Variants in SNRNP40 observed in about 807,000 individuals in gnomAD.
SNRNP40 encodes U5 small nuclear ribonucleoprotein 40 kDa protein.
Under a neutral mutation model 45.8 loss-of-function variants are expected in SNRNP40, and 21 were observed. That is an observed-to-expected ratio of 0.46 (90% CI 0.32 to 0.66). The LOEUF is 0.66. Ranked by LOEUF, SNRNP40 falls within the 30% of genes least tolerant of loss-of-function variation. The pLI is 0.03. For synonymous variants in SNRNP40, 142 were observed against 163.8 expected (o/e 0.87, Z 1.01); for missense variants, 344 against 439.1 (o/e 0.78, Z 1.94).
At chr1:31,274,377 C>T (rs532733649) in intron 5 of SNRNP40, among the ~76,000 whole-genome samples, 2 of 152,032 alleles carry the variant, frequency 1.3e-5, no homozygotes, top group Non-Finnish European at 2.9e-5. Context: ...GCTGGGACTA[C>T]AGGCGCGCAC....
intron 8 of SNRNP40, among the ~76,000 whole-genome samples, chr1:31,266,178 T>C (rs1312154511): frequency 3.3e-5 from 5 of 152,184 alleles, no homozygotes. Context: ...GAATTATTCA[T>C]TAATAGAAAG....
intron 7 of SNRNP40, 140 bp from the exon 8 acceptor site, chr1:31,268,072 T>C (rs754140204): frequency 5.2e-4 from 303 of 578,264 alleles, no homozygotes; most frequent in Non-Finnish European, 8.5e-4. Flanking sequence ...TTATCTTATA[T>C]TCTATGGCCC....
intron 4 of SNRNP40, among the ~76,000 whole-genome samples, chr1:31,283,567 C>A (rs1233467983): frequency 6.6e-6 from 1 of 152,196 alleles, no homozygotes; most frequent in Admixed American, 6.5e-5. Flanking sequence ...CGCACTACTG[C>A]ACTCCAGCCT....
In SNRNP40 at chr1:31,271,319, C is replaced by G. The variant is rs1229780444; in HGVS notation, c.775+60G>C. The G allele has an allele frequency of 3.9e-6, 6 of 1,545,078 alleles. No homozygotes were observed. In the African/African-American group the frequency reaches 4.1e-5, roughly 11 times the overall value. ...ACACATTCTAATCGTCTGATGGAAT[C>G]TGTGAGCAATCTTTGACTTTTTCCT... is the stretch of plus-strand genomic sequence containing the variant. On this transcript the variant is annotated intron_variant, in intron 6 of 9. Transcript: ENST00000263694.
At chr1:31,293,784 G>A (rs1013662867) in intron 1 of SNRNP40, among the ~76,000 whole-genome samples, 2 of 151,966 alleles carry the variant, frequency 1.3e-5, no homozygotes, top group South Asian at 2.1e-4. Flanking sequence ...GTCTTGCTAC[G>A]TTGCCTAGGC....
At chr1:31,289,132 T>C in intron 4 of SNRNP40, 122 bp downstream of exon 4, 2 of 775,142 alleles carry the variant, frequency 2.6e-6, no homozygotes, top group Non-Finnish European at 4.2e-6. Context: ...ATTTCAAGTG[T>C]GTTATGGGAG....
intron 4 of SNRNP40, among the ~76,000 whole-genome samples, chr1:31,283,716 T>C (rs961810466): frequency 2.6e-5 from 4 of 152,198 alleles, no homozygotes; most frequent in African/African-American, 4.8e-5. Flanking sequence ...CACGCTATAA[T>C]ATTTAAATGC....
At chr1:31,270,365 G>A (rs932708019) in intron 6 of SNRNP40, among the ~76,000 whole-genome samples, 1 of 152,090 alleles carries the variant, frequency 6.6e-6, no homozygotes, top group Non-Finnish European at 1.5e-5. Context: ...TGGTACTTGG[G>A]AGGCTTGCCT....
At chr1:31,283,852 G>T (rs1389563434) in intron 4 of SNRNP40, among the ~76,000 whole-genome samples, 1 of 152,174 alleles carries the variant, frequency 6.6e-6, no homozygotes, top group Non-Finnish European at 1.5e-5. Context: ...AAGAATGAAG[G>T]TAAGCCCCTG....
chr1:31,284,893 C>T (rs188813153), intron 4 of SNRNP40, among the ~76,000 whole-genome samples: 1 of 152,288 alleles, frequency 6.6e-6, no homozygotes, highest in Admixed American at 6.5e-5. Flanking sequence ...ACATGCCCAA[C>T]ATCTCCTACT....
Position 31,269,200 on chromosome 1 carries a change from T to C in SNRNP40, c.816A>G (p.Arg272=), listed in dbSNP as rs1645920344. The C allele has an allele frequency of 6.2e-7, 1 of 1,612,400 alleles. No homozygotes were observed. The highest frequency in any genetic ancestry group is 1.1e-5 in the South Asian group (1 of 90,810). Reference sequence around the variant, plus strand: ...CATTTCCTTGAAATATCTTTACACATCTCTCTTTGGGGGCAAATGGCCGGA... The same window carrying C: ...CATTTCCTTGAAATATCTTTACACACCTCTCTTTGGGGGCAAATGGCCGGA... ...WDVRPFAPKE[R]CVKIFQGNVH... is the part of the protein sequence containing the mutation. Residue 272 remains arginine (R), a synonymous_variant, in exon 7 of 10, where the codon AGA becomes AGG. Coordinates refer to ENST00000263694, the MANE Select transcript of SNRNP40 (RefSeq NM_004814.3).
At chr1:31,290,162 G>A (rs1646093400) in intron 3 of SNRNP40, among the ~76,000 whole-genome samples, 1 of 152,084 alleles carries the variant, frequency 6.6e-6, no homozygotes, top group African/African-American at 2.4e-5. Context: ...CCCAGCCTCT[G>A]AGGATGATTT....
intron 5 of SNRNP40, among the ~76,000 whole-genome samples, chr1:31,278,652 A>G (rs1645992493): frequency 6.6e-6 from 1 of 152,228 alleles, no homozygotes; most frequent in Non-Finnish European, 1.5e-5. Flanking sequence ...AAGTATTTAT[A>G]TGATGGAAAA....
intron 5 of SNRNP40, 138 bp from the exon 6 acceptor site, chr1:31,271,637 A>G (rs1288565904): frequency 2.4e-6 from 2 of 839,402 alleles, no homozygotes; most frequent in Non-Finnish European, 3.5e-6. Context: ...TCAAAGAGAA[A>G]AACACCTTTT....
chr1:31,277,707 T>C (rs1046500975), intron 5 of SNRNP40, among the ~76,000 whole-genome samples: 1 of 152,228 alleles, frequency 6.6e-6, no homozygotes, highest in African/African-American at 2.4e-5. Flanking sequence ...TTTTTTTTAA[T>C]GCTTTGAGAC....
chr1:31,285,049 T>C (rs551694098), intron 4 of SNRNP40, among the ~76,000 whole-genome samples: 29 of 152,332 alleles, frequency 1.9e-4, no homozygotes, highest in Admixed American at 5.9e-4. Context: ...TCTATCTTTG[T>C]CTTTCTCCTA....
chr1:31,271,956 G>GTAGC (rs1001776403), intron 5 of SNRNP40, among the ~76,000 whole-genome samples: 2 of 152,122 alleles, frequency 1.3e-5, no homozygotes, highest in Admixed American at 1.3e-4. Context: ...TTCTAAAAAG[G>GTAGC]TAGCTCAGGC....
chr1:31,267,687 C>T (rs893967545), intron 8 of SNRNP40, among the ~76,000 whole-genome samples, 184 bp downstream of exon 8: 2 of 152,130 alleles, frequency 1.3e-5, no homozygotes, highest in East Asian at 1.9e-4. Flanking sequence ...AGGCATGTGC[C>T]GCCACGCCCG....
intron 5 of SNRNP40, among the ~76,000 whole-genome samples, chr1:31,277,432 A>C (rs1645983520): frequency 6.6e-6 from 1 of 152,234 alleles, no homozygotes; most frequent in African/African-American, 2.4e-5. Flanking sequence ...ATTGTTAATA[A>C]TGTTATTCCC....
Sources: allele counts gnomAD v4.1 joint callset (sites outside exome capture counted in the v4.1 genomes callset), GRCh38; gene constraint gnomAD v4.1.1; transcripts MANE v1.5; gene names NCBI Gene and HGNC (gene_info 2026-07-23, HGNC 2026-07-21).